The following MUC22 variants were observed in gnomAD, a reference collection of about 807,000 sequenced individuals.
MUC22 encodes the protein mucin 22.
A neutral mutation model predicts 40.3 loss-of-function variants in MUC22; 24 were observed. That is an observed-to-expected ratio of 0.60 (90% CI 0.43 to 0.84). MUC22 has a LOEUF of 0.84. Ranked by LOEUF, MUC22 falls within the 40% of genes least tolerant of loss-of-function variation. The pLI, the probability that MUC22 is intolerant of heterozygous loss-of-function variation, is 0.00. For synonymous variants in MUC22, 765 were observed against 844.5 expected, an observed-to-expected ratio of 0.91 and a Z score of 1.63; for missense variants, 1,926 against 2,130.7, an observed-to-expected ratio of 0.90 and a Z score of 1.89.
At chr6:31,020,225 AC>A (rs1764570079) in intron 1 of MUC22, among the ~76,000 whole-genome samples, 1 of 151,170 alleles carries the variant, frequency 6.6e-6, no homozygotes, top group Non-Finnish European at 1.5e-5. Flanking sequence ...TAGAAAAGAC[AC>A]ATTGTATAGA....
intron 1 of MUC22, among the ~76,000 whole-genome samples, chr6:31,022,841 G>A (rs1187945783): frequency 6.6e-6 from 1 of 152,180 alleles, no homozygotes; most frequent in Non-Finnish European, 1.5e-5. Context: ...GGTCAAAAAT[G>A]ACTCAGGTCA....
At chr6:31,016,833 G>C (rs938322018) in intron 1 of MUC22, among the ~76,000 whole-genome samples, 2 of 152,248 alleles carry the variant, frequency 1.3e-5, no homozygotes, top group Non-Finnish European at 2.9e-5. Context: ...TGCGGCACTT[G>C]CGGGCCAGCA....
Position 31,032,367 on chromosome 6 carries a change from T to A in MUC22, c.4841T>A (p.Val1614Asp). The A allele has an allele frequency of 6.5e-7, 1 of 1,535,624 alleles. No individual in the cohort carries two copies. Among genetic ancestry groups the A allele is most frequent in the Non-Finnish European group, 8.7e-7 (1 of 1,146,894 alleles). ...TCATCTACCACCTCAGCCCACGGCG[T>A]CAGGACCACCACAGGATCCACCCGT... The change falls in exon 3 of 4, where the codon GTC becomes GAC. Residue 1614 changes from valine (V) to aspartate (D), a missense_variant. Transcript: ENST00000561890. This position sits in a 1 kb window ranked among gnomAD's most constrained non-coding sequence, Gnocchi z 4.1.
At chr6:31,023,542 C>T (rs1765042700) in intron 1 of MUC22, among the ~76,000 whole-genome samples, 1 of 152,092 alleles carries the variant, frequency 6.6e-6, no homozygotes, top group Non-Finnish European at 1.5e-5. Flanking sequence ...AAGACTCTGT[C>T]TCTAAAAAAG....
chr6:31,029,964 A>T (rs1369758005), exon 2 of MUC22: 1 of 1,535,432 alleles, frequency 6.5e-7, no homozygotes, highest in Non-Finnish European at 8.7e-7. Context: ...CTTCCCTCAC[A>T]GGCTCTGAGA....
At chr6:31,031,312 T>C (rs975418297) in intron 2 of MUC22, among the ~76,000 whole-genome samples, 11 of 152,096 alleles carry the variant, frequency 7.2e-5, no homozygotes, top group Non-Finnish European at 1.3e-4. Context: ...CACACTCACC[T>C]CACCTTTGCT....
upstream of MUC22, among the ~76,000 whole-genome samples, chr6:31,009,148 T>A (rs1763705968): frequency 6.6e-6 from 1 of 152,234 alleles, no homozygotes; most frequent in Non-Finnish European, 1.5e-5. Context: ...AATCTTTAAA[T>A]TGAGGCTTAA....
chr6:31,010,691 T>C lies in MUC22; in HGVS notation c.-16T>C, dbSNP rs574561499. The C allele has an allele frequency of 6.4e-5, 45 of 702,600 alleles. No homozygotes were observed. Among genetic ancestry groups the C allele is most frequent in the South Asian group, 6.4e-4 (43 of 67,592 alleles). The allele number at this position is 702,600 out of a possible 1,614,324, so 43.5% of individuals were successfully genotyped here. ...CCAGGCATCTAAATGACAACTTCTATGTGCATCATTTAGAGATGAGAAGAG... is the reference window on the plus strand; with the variant it reads ...CCAGGCATCTAAATGACAACTTCTACGTGCATCATTTAGAGATGAGAAGAG... On this transcript the variant is annotated 5_prime_UTR_variant, in exon 1 of 4. It removes an upstream start codon present in the reference 5' UTR. Coordinates refer to ENST00000561890, the Ensembl canonical transcript of MUC22.
rs768258191 is a variant in MUC22, at chr6:31,029,936, G to C, written c.4505G>C (p.Ser1502Thr). Residue 1502 changes from serine (S) to threonine (T), a missense_variant, in exon 2 of 4, where the codon AGC becomes ACC. By Grantham distance (58) the Ser-to-Thr change is moderately conservative. This residue lies in a region of MUC22 where 610 missense variants were observed against 714.6 expected (regional missense o/e 0.85). Coordinates refer to ENST00000561890, the Ensembl canonical transcript of MUC22. ...GAGAGCACCATAGCTTCCACTGCAA[G>C]CTTGGAGCCCACTGCAACTTCCCTC... 2.0e-6 allele frequency: 3 copies of C among 1,517,692 alleles called. No individual in the cohort carries two copies. The South Asian group carries it at 3.6e-5, about 18-fold the overall frequency. 94.0% of individuals were successfully genotyped at this position (1,517,692 alleles called of 1,614,324 possible). A position where few individuals can be genotyped will look rare whatever the true frequency, so the allele number is the denominator to read the frequency against.
exon 2 of MUC22, chr6:31,027,333 GACC>G (rs1562607630): frequency 3.3e-6 from 5 of 1,530,142 alleles, no homozygotes; most frequent in Admixed American, 3.9e-5. Context: ...AAGGCTCTGA[GACC>G]ACCACAGCTT....
exon 2 of MUC22, chr6:31,028,872 C>T (rs559840571): frequency 1.4e-6 from 2 of 1,412,660 alleles, no homozygotes; most frequent in South Asian, 2.6e-5. Flanking sequence ...AGACTACCAC[C>T]ACCTCTACTG....
intron 1 of MUC22, among the ~76,000 whole-genome samples, chr6:31,016,123 C>T (rs1764179846): frequency 7.1e-6 from 1 of 140,476 alleles, no homozygotes; most frequent in Non-Finnish European, 1.5e-5. Flanking sequence ...TTTAAGATGG[C>T]ATCTCTTACT....
chr6:31,021,029 C>G (rs372863568), intron 1 of MUC22, among the ~76,000 whole-genome samples: 1 of 103,396 alleles, frequency 9.7e-6, no homozygotes. Flanking sequence ...TCTGTGCGGC[C>G]GGAGCCTCCC....
upstream of MUC22, among the ~76,000 whole-genome samples, chr6:31,008,759 G>C (rs1448115737): frequency 6.6e-5 from 10 of 152,046 alleles, no homozygotes; most frequent in Non-Finnish European, 1.2e-4. Context: ...GTTTCACCAT[G>C]TTGATCAGGC....
intron 2 of MUC22, among the ~76,000 whole-genome samples, 189 bp downstream of exon 2, chr6:31,030,289 G>A (rs1765957715): frequency 6.6e-6 from 1 of 152,070 alleles, no homozygotes; most frequent in African/African-American, 2.4e-5. Context: ...AGGCTGAGGC[G>A]AGCGAATCAC....
At chr6:31,021,019 T>C (rs1764677096) in intron 1 of MUC22, among the ~76,000 whole-genome samples, 2 of 103,290 alleles carry the variant, frequency 1.9e-5, no homozygotes, top group Non-Finnish European at 2.2e-5. Context: ...TCCATGGGCT[T>C]CTGTGCGGCC....
chr6:31,024,868 T>C (rs7767799), intron 1 of MUC22, among the ~76,000 whole-genome samples: 3,328 of 136,940 alleles, frequency 0.024, 126 homozygotes, highest in African/African-American at 0.084. Flanking sequence ...ATTGCTGCCT[T>C]CTTTTTTTTT....
At chr6:31,012,245 C>T (rs1763910701) in intron 1 of MUC22, among the ~76,000 whole-genome samples, 1 of 152,052 alleles carries the variant, frequency 6.6e-6, no homozygotes, top group Non-Finnish European at 1.5e-5. Context: ...AGTGCTTCCC[C>T]CTTCTTCCTC....
intron 3 of MUC22, 42 bp from the exon 4 acceptor site, chr6:31,034,630 A>T: frequency 1.4e-6 from 2 of 1,480,420 alleles, no homozygotes; most frequent in South Asian, 1.3e-5. Context: ...GGGAGAGGAG[A>T]CTTAATTTTC....
Sources: gnomAD v4.1 joint callset for allele counts (sites outside exome capture counted in the v4.1 genomes callset) on GRCh38, gnomAD v4.1.1 for gene constraint, gnomAD v4.1.1 regional missense constraint, Gnocchi (gnomAD v3.1) non-coding constraint, MANE v1.5 for transcripts, NCBI Gene and HGNC (gene_info 2026-07-23, HGNC 2026-07-21) for gene names.